Variants in SLC16A14 observed in about 807,000 individuals in gnomAD.
The protein encoded by SLC16A14 is monocarboxylate transporter 14.
Under a neutral mutation model 35.8 loss-of-function variants are expected in SLC16A14, and 14 were observed. The observed-to-expected ratio is 0.39, with a 90% CI of 0.26 to 0.61. The LOEUF (loss-of-function observed/expected upper bound fraction) is 0.61, where lower values mean the gene tolerates loss of function less well. SLC16A14 is among the 20% of genes least tolerant of loss of function. The probability of loss-of-function intolerance (pLI) is 0.51; values close to 1 mark genes in which losing one functional copy is unlikely to be tolerated. For synonymous variants in SLC16A14, 248 were observed against 258.9 expected (o/e 0.96, Z 0.40); for missense variants, 533 against 655.0 (o/e 0.81, Z 2.03).
In SLC16A14 at chr2:230,046,448, C is replaced by T. The variant is rs202093882; in HGVS notation, c.678G>A (p.Val226=). 3.1e-6 allele frequency: 5 copies of T among 1,614,200 alleles called. No homozygotes were observed. The East Asian group carries it at 8.9e-5, about 29-fold the overall frequency. The change falls in exon 4 of 5, where the codon GTG becomes GTA. Residue 226 remains valine, a synonymous_variant. Coordinates refer to ENST00000295190, the MANE Select transcript of SLC16A14 (RefSeq NM_152527.5). This position sits in a 1 kb window ranked among gnomAD's most constrained non-coding sequence, Gnocchi z 5.0. The part of the protein sequence containing the change: ...KNPNDPGEKD[V]RGLPAHSTES... ...CTGTGGAGTGCGCTGGCAGGCCACG[C>T]ACATCTTTCTCTCCTGGGTCGTTTG...
chr2:230,045,676 C>T (rs199719621), intron 4 of SLC16A14, 69 bp downstream of exon 4: 3 of 1,545,332 alleles, frequency 1.9e-6, no homozygotes, highest in Non-Finnish European at 2.7e-6. Context: ...TCTTCTTTAT[C>T]TGGGACTTTA....
chr2:230,040,959 C>T (rs962660808), intron 4 of SLC16A14, among the ~76,000 whole-genome samples: 5 of 152,296 alleles, frequency 3.3e-5, no homozygotes, highest in Admixed American at 2.6e-4. Context: ...ATGCATCCTT[C>T]ACCACCCCTC....
At chr2:230,053,548 C>T (rs1443686544) in intron 2 of SLC16A14, among the ~76,000 whole-genome samples, 2 of 151,892 alleles carry the variant, frequency 1.3e-5, no homozygotes, top group East Asian at 1.9e-4. Flanking sequence ...TTTGGGAGGC[C>T]GAGGTGGGTG....
chr2:230,067,891 G>C (rs946498498), intron 1 of SLC16A14: 61 of 152,338 alleles, frequency 4.0e-4, no homozygotes, highest in African/African-American at 1.4e-3. Context: ...GATCGTGCCC[G>C]CGGGGTCCGG....
intron 3 of SLC16A14, among the ~76,000 whole-genome samples, chr2:230,047,307 C>CTTTT (rs56262602): frequency 5.5e-4 from 61 of 110,290 alleles, no homozygotes; most frequent in East Asian, 7.9e-4. Context: ...TATCTGACTT[C>CTTTT]TTTTTTTTTT....
chr2:230,044,785 C>A (rs184635634), intron 4 of SLC16A14, among the ~76,000 whole-genome samples: 2 of 149,638 alleles, frequency 1.3e-5, no homozygotes, highest in African/African-American at 5.0e-5. Context: ...CGCTGTATTG[C>A]CCAGGCTGGT....
At position 230,064,883 on chromosome 2, in the gene SLC16A14, G is replaced by A. The variant is rs1007978043; in HGVS notation, c.-15+3672C>T. Among the ~76,000 whole-genome samples, 9 of 152,072 alleles carry A rather than the reference G, an allele frequency of 5.9e-5. 1 individual carries two copies. Among genetic ancestry groups the A allele is most frequent in the African/African-American group, 2.2e-4 (9 of 41,410 alleles). On this transcript the variant is annotated intron_variant, in intron 1 of 4. Transcript: ENST00000295190. ...AAATTAGCCGGGTGTGGTGGCGCAT[G>A]CCTGTAATCCCAGCTACTCGGGAGG...
chr2:230,054,969 T>C (rs34745967), intron 2 of SLC16A14, among the ~76,000 whole-genome samples: 66,374 of 151,886 alleles, frequency 0.44, 14,867 homozygotes, highest in South Asian at 0.52. Flanking sequence ...AGCCCAAATG[T>C]GCTTACAATG....
chr2:230,038,994 G>A lies in SLC16A14; in HGVS notation c.1382-1463C>T, dbSNP rs1356167383. ...TTTCAGAAACATCTTTAAAAAAATC[G>A]AATTGGCAAATGAATGCGTAAATGC... On this transcript the variant is annotated intron_variant, in intron 4 of 4. Transcript: ENST00000295190. This position sits in a 1 kb window ranked among gnomAD's most constrained non-coding sequence, Gnocchi z 4.4. Among the ~76,000 whole-genome samples the A allele has an allele frequency of 8.5e-5, 13 of 152,064 alleles. 1 individual carries two copies. The highest frequency in any genetic ancestry group is 7.4e-5 in the Non-Finnish European group (5 of 67,968).
chr2:230,053,259 G>T (rs1187956514), intron 2 of SLC16A14, among the ~76,000 whole-genome samples: 1 of 152,112 alleles, frequency 6.6e-6, no homozygotes, highest in Non-Finnish European at 1.5e-5. Context: ...TCTACCCACT[G>T]TTTACTGATG....
At chr2:230,047,743 T>G (rs1244300250) in intron 3 of SLC16A14, among the ~76,000 whole-genome samples, 1 of 152,240 alleles carries the variant, frequency 6.6e-6, no homozygotes, top group African/African-American at 2.4e-5. Flanking sequence ...AATGTTCTCA[T>G]CACAAGTATG....
intron 1 of SLC16A14, among the ~76,000 whole-genome samples, chr2:230,064,422 A>G (rs1174587296): frequency 6.6e-6 from 1 of 152,126 alleles, no homozygotes; most frequent in Non-Finnish European, 1.5e-5. Context: ...CAAAGCTTAC[A>G]GCGCAGTGCA....
intron 3 of SLC16A14, 41 bp downstream of exon 3, chr2:230,049,720 A>G (rs749265464): frequency 7.5e-6 from 12 of 1,600,618 alleles, no homozygotes; most frequent in Non-Finnish European, 1.0e-5. Context: ...GATGTCTTAT[A>G]AAACATTTAA....
Position 230,046,451 on chromosome 2 carries a change from A to G in SLC16A14, c.675T>C (p.Asp225=). ...GKNPNDPGEK[D]VRGLPAHSTE... is the part of the protein sequence containing the mutation. ...TGGAGTGCGCTGGCAGGCCACGCAC[A>G]TCTTTCTCTCCTGGGTCGTTTGGGT... is the stretch of plus-strand genomic sequence containing the variant. The change falls in exon 4 of 5, where the codon GAT becomes GAC. Residue 225 remains aspartate, a synonymous_variant. Transcript: ENST00000295190. This position sits in a 1 kb window ranked among gnomAD's most constrained non-coding sequence, Gnocchi z 5.0. The G allele has an allele frequency of 6.2e-7, 1 of 1,614,164 alleles. No homozygotes were observed. Among genetic ancestry groups the G allele is most frequent in the African/African-American group, 1.3e-5 (1 of 75,068 alleles).
intron 2 of SLC16A14, chr2:230,058,459 C>CA (rs2077724801): frequency 6.6e-6 from 1 of 151,906 alleles, no homozygotes; most frequent in Admixed American, 6.6e-5. Context: ...TTCATAGAGA[C>CA]AGACAGTAGA....
rs111740636 is a variant in SLC16A14, at chr2:230,065,777, A to G, written c.-15+2778T>C. Reference sequence around the variant, plus strand: ...AGCATTCATATAATTATATACATGTATAATTATATATGTATTTATATAAGA... The same window carrying G: ...AGCATTCATATAATTATATACATGTGTAATTATATATGTATTTATATAAGA... On this transcript the variant is annotated intron_variant, in intron 1 of 4. Transcript: ENST00000295190. Among the ~76,000 whole-genome samples, 976 of 152,192 alleles carry G rather than the reference A, an allele frequency of 6.4e-3. 10 individuals are homozygous for G. The highest frequency in any genetic ancestry group is 0.022 in the African/African-American group (910 of 41,528).
At chr2:230,048,453 G>C (rs2077627151) in intron 3 of SLC16A14, among the ~76,000 whole-genome samples, 1 of 152,224 alleles carries the variant, frequency 6.6e-6, no homozygotes, top group African/African-American at 2.4e-5. Context: ...GCTGATAAAG[G>C]AAATTGTGGC....
At chr2:230,040,142 C>A (rs1212386556) in intron 4 of SLC16A14, among the ~76,000 whole-genome samples, 2 of 152,172 alleles carry the variant, frequency 1.3e-5, no homozygotes, top group African/African-American at 4.8e-5. Flanking sequence ...TCCCATCCTT[C>A]ATCTTTACTC....
chr2:230,047,984 G>A (rs943357574), intron 3 of SLC16A14, among the ~76,000 whole-genome samples: 6 of 152,168 alleles, frequency 3.9e-5, no homozygotes, highest in African/African-American at 1.4e-4. Flanking sequence ...ATGTGTGTAT[G>A]TGTATAGATA....
Sources: gnomAD v4.1 joint callset for allele counts (sites outside exome capture counted in the v4.1 genomes callset) on GRCh38, gnomAD v4.1.1 for gene constraint, Gnocchi (gnomAD v3.1) non-coding constraint, MANE v1.5 for transcripts, NCBI Gene and HGNC (gene_info 2026-07-23, HGNC 2026-07-21) for gene names.